ATP11C: variants seen among roughly 807,000 people sequenced by gnomAD.
ATP11C encodes phospholipid-transporting ATPase IG.
Under a neutral mutation model 97.4 loss-of-function variants are expected in ATP11C, and 36 were observed. The ratio of observed to expected loss-of-function variants is 0.37; its 90% CI spans 0.28 to 0.49. The LOEUF is 0.49. Among genes scored for constraint, ATP11C ranks in the 20% least tolerant of loss-of-function variants. ATP11C has a pLI of 0.98. For synonymous variants in ATP11C, 275 were observed against 290.9 expected, an observed-to-expected ratio of 0.95 and a Z score of 0.56; for missense variants, 730 against 824.6, an observed-to-expected ratio of 0.89 and a Z score of 1.40.
Position 139,798,759 on chromosome X carries a change from A to T in ATP11C, c.711-16T>A, listed in dbSNP as rs1462312727. The T allele has an allele frequency of 8.4e-7, 1 of 1,185,909 alleles. No homozygotes were observed. Among genetic ancestry groups the T allele is most frequent in the Non-Finnish European group, 1.1e-6 (1 of 876,330 alleles). ...TCCCAAAGACCTAAATAAAAAATGAACACAGCTTATCCAAACAAGCCAATA... is the reference window on the plus strand; with the variant it reads ...TCCCAAAGACCTAAATAAAAAATGATCACAGCTTATCCAAACAAGCCAATA... On this transcript the variant is annotated splice_polypyrimidine_tract_variant and intron_variant, in intron 8 of 29. Transcript: ENST00000682941.
intron 1 of ATP11C, among the ~76,000 whole-genome samples, chrX:139,905,412 T>C (rs972933046): frequency 4.5e-5 from 5 of 112,157 alleles, no homozygotes; most frequent in African/African-American, 1.3e-4. Flanking sequence ...CTCTGAACTA[T>C]AGGAGCATCT....
chrX:139,793,960 G>A (rs1008158458), intron 12 of ATP11C, among the ~76,000 whole-genome samples: 2 of 111,853 alleles, frequency 1.8e-5, no homozygotes, highest in East Asian at 5.6e-4. Flanking sequence ...GTGAATAACA[G>A]CTACTGGCTT....
intron 28 of ATP11C, among the ~76,000 whole-genome samples, chrX:139,735,915 C>T (rs191977169): frequency 9.0e-6 from 1 of 111,578 alleles, no homozygotes; most frequent in African/African-American, 3.2e-5. Context: ...GGTGGTTCAA[C>T]AAATGTTTAT....
chrX:139,844,893 T>C (rs758569003), intron 1 of ATP11C, among the ~76,000 whole-genome samples: 1 of 112,001 alleles, frequency 8.9e-6, no homozygotes, highest in Non-Finnish European at 1.9e-5. Flanking sequence ...CCTGTGGTTA[T>C]CTAATATTGC....
intron 20 of ATP11C, 31 bp downstream of exon 20, chrX:139,768,229 G>A: frequency 2.0e-6 from 2 of 1,015,624 alleles, no homozygotes; most frequent in East Asian, 6.8e-5. Context: ...GAAGTATCCA[G>A]AATGGAACGT....
intron 1 of ATP11C, among the ~76,000 whole-genome samples, chrX:139,919,029 T>C (rs2085204955): frequency 9.0e-6 from 1 of 111,235 alleles, no homozygotes; most frequent in African/African-American, 3.3e-5. Flanking sequence ...TCACCTGAGG[T>C]TGGGAGTTCA....
rs1199774192 is a variant in ATP11C, at chrX:139,882,060, A to G, written c.27+49956T>C. The stretch of plus-strand genomic sequence containing the variant: ...TTAAGCAGTTCCCTCTGCCTCAACT[A>G]CCTTCTCCCCAGATCTGCCTGTCCA... On this transcript the variant is annotated intron_variant, in intron 1 of 29. Coordinates refer to ENST00000682941, the MANE Select transcript of ATP11C (RefSeq NM_001353812.2). 6.3e-5 allele frequency among the ~76,000 whole-genome samples: 7 copies of G among 111,226 alleles called. No homozygotes were observed. In the East Asian group the frequency reaches 2.0e-3, roughly 32 times the overall value.
chrX:139,812,127 T>A lies in ATP11C; in HGVS notation c.426+2751A>T, dbSNP rs182518122. ...TAAGGATGCAGACCAAGTCTCTCTC[T>A]TGCTCAAAAGGAGTCTCAACAAACT... On this transcript the variant is annotated intron_variant, in intron 5 of 29. Coordinates refer to ENST00000682941, the MANE Select transcript of ATP11C (RefSeq NM_001353812.2). Among the ~76,000 whole-genome samples the A allele has an allele frequency of 5.4e-5, 6 of 111,270 alleles. No individual in the cohort carries two copies. The East Asian group carries it at 1.7e-3, about 32-fold the overall frequency.
intron 1 of ATP11C, among the ~76,000 whole-genome samples, chrX:139,891,197 CAAAAA>C (rs35280856): frequency 2.8e-5 from 1 of 35,498 alleles, no homozygotes; most frequent in African/African-American, 1.1e-4. Flanking sequence ...AGAGATTGGC[CAAAAA>C]AAAAAAAAAA....
Position 139,762,182 on chromosome X carries a change from T to C in ATP11C, c.2495-76A>G, listed in dbSNP as rs1042409339. On this transcript the variant is annotated intron_variant, in intron 21 of 29. Coordinates refer to ENST00000682941, the MANE Select transcript of ATP11C (RefSeq NM_001353812.2). ...CCTGATTTATCTTCACAGTTTCAAC[T>C]TGGTTTAATGTTATAGTTCAATTCT... is the stretch of plus-strand genomic sequence containing the variant. 5.8e-6 allele frequency: 5 copies of C among 866,935 alleles called. No homozygotes were observed. In the African/African-American group the frequency reaches 8.0e-5, roughly 14 times the overall value. 71.4% of individuals were successfully genotyped at this position (866,935 alleles called of 1,213,427 possible). A position where few individuals can be genotyped will look rare whatever the true frequency, so the allele number is the denominator to read the frequency against.
chrX:139,809,094 C>CA (rs1199611229), intron 5 of ATP11C, among the ~76,000 whole-genome samples: 4 of 102,910 alleles, frequency 3.9e-5, no homozygotes, highest in African/African-American at 1.4e-4. Flanking sequence ...GCCTGGGTGA[C>CA]AGAGTGAGAC....
intron 20 of ATP11C, among the ~76,000 whole-genome samples, chrX:139,766,745 T>C (rs1263090698): frequency 2.7e-5 from 3 of 111,698 alleles, no homozygotes; most frequent in Non-Finnish European, 5.6e-5. Flanking sequence ...ATAGCATATA[T>C]GGAAATGAAA....
intron 1 of ATP11C, among the ~76,000 whole-genome samples, chrX:139,885,118 TCTAC>T (rs1048702930): frequency 3.6e-5 from 4 of 110,819 alleles, no homozygotes; most frequent in Non-Finnish European, 7.6e-5. Context: ...AATCTCAATT[TCTAC>T]CTCACTCTCC....
chrX:139,855,641 C>T (rs1018491771), intron 1 of ATP11C, among the ~76,000 whole-genome samples: 1 of 112,242 alleles, frequency 8.9e-6, no homozygotes, highest in African/African-American at 3.2e-5. Flanking sequence ...TTTCCTCGCT[C>T]TATTCCTGAC....
rs1263887991 is a variant in ATP11C, at chrX:139,800,073, C to G, written c.697G>C (p.Glu233Gln). The change falls in exon 8 of 30, where the codon GAG (glutamate) becomes CAG (glutamine). Residue 233 changes from glutamate to glutamine, a missense_variant. Physicochemically the swap from Glu to Gln is conservative, Grantham distance 29. Transcript: ENST00000682941. Reference protein sequence around the residue: ...GRINIYSNSLEAVARSLGPEN... With the variant: ...GRINIYSNSLQAVARSLGPEN... ...CAGCAAACTTACCTGGCAACAGCCTCAAGACTATTACTGTAGATATTGATT... is the reference window on the plus strand; with the variant it reads ...CAGCAAACTTACCTGGCAACAGCCTGAAGACTATTACTGTAGATATTGATT... 9.2e-7 allele frequency: 1 copy of G among 1,092,486 alleles called. No individual in the cohort carries two copies. Among genetic ancestry groups the G allele is most frequent in the Admixed American group, 2.4e-5 (1 of 40,840 alleles). The allele number at this position is 1,092,486 out of a possible 1,213,427, so 90.0% of individuals were successfully genotyped here.
In ATP11C at chrX:139,867,079, C is replaced by T. The variant is rs747002043; in HGVS notation, c.28-40256G>A. 2.0e-4 allele frequency among the ~76,000 whole-genome samples: 22 copies of T among 111,656 alleles called. No individual in the cohort carries two copies. In the East Asian group the frequency reaches 6.2e-3, roughly 32 times the overall value. ...CCAGACTAAGCGACAGAGCAAGACCCTGTCTTCAAAAACAAAACAAAACAA... is the reference window on the plus strand; with the variant it reads ...CCAGACTAAGCGACAGAGCAAGACCTTGTCTTCAAAAACAAAACAAAACAA... On this transcript the variant is annotated intron_variant, in intron 1 of 29. Coordinates refer to ENST00000682941, the MANE Select transcript of ATP11C (RefSeq NM_001353812.2).
At chrX:139,920,482 A>G (rs1390562273) in intron 1 of ATP11C, among the ~76,000 whole-genome samples, 1 of 112,064 alleles carries the variant, frequency 8.9e-6, no homozygotes, top group East Asian at 2.8e-4. Flanking sequence ...TCCACTGGCA[A>G]TCCAGAGATA....
chrX:139,738,338 G>A (rs968935646), intron 27 of ATP11C, among the ~76,000 whole-genome samples: 1 of 111,824 alleles, frequency 8.9e-6, no homozygotes, highest in African/African-American at 3.2e-5. Flanking sequence ...GCCAACTGGC[G>A]ACTATTTATG....
At chrX:139,787,482 G>C (rs977307504) in intron 14 of ATP11C, among the ~76,000 whole-genome samples, 1 of 111,326 alleles carries the variant, frequency 9.0e-6, no homozygotes. Flanking sequence ...ATTTTTAGTA[G>C]AGACAGAGTT....
Sources: gnomAD v4.1 joint callset for allele counts (sites outside exome capture counted in the v4.1 genomes callset) on GRCh38, gnomAD v4.1.1 for gene constraint, MANE v1.5 for transcripts, NCBI Gene and HGNC (gene_info 2026-07-23, HGNC 2026-07-21) for gene names.